The following PAK5 variants were observed in gnomAD, a reference collection of about 807,000 sequenced individuals.
PAK5 encodes the protein p21 (RAC1) activated kinase 5, also known as serine/threonine-protein kinase PAK 5.
Under a neutral mutation model 65.9 loss-of-function variants are expected in PAK5, and 16 were observed. The ratio of observed to expected loss-of-function variants is 0.24; its 90% CI spans 0.16 to 0.37. The LOEUF (loss-of-function observed/expected upper bound fraction) is 0.37. Ranked by LOEUF, PAK5 falls within the 10% of genes least tolerant of loss-of-function variation. PAK5 has a pLI of 1.00. For missense variants in PAK5, 785 were observed against 903.9 expected (o/e 0.87, Z 1.69); for synonymous variants, 371 against 354.9 (o/e 1.05, Z -0.51).
chr20:9,674,680 T>G (rs2035030603), intron 2 of PAK5, among the ~76,000 whole-genome samples: 1 of 152,066 alleles, frequency 6.6e-6, no homozygotes, highest in African/African-American at 2.4e-5. Context: ...ATGCTCGAGA[T>G]TTATTGAGGG....
chr20:9,558,697 A>G (rs1245408688), intron 6 of PAK5, among the ~76,000 whole-genome samples: 1 of 152,162 alleles, frequency 6.6e-6, no homozygotes, highest in Non-Finnish European at 1.5e-5. Context: ...AAGGAGCTAG[A>G]GGTTTTTGTC....
chr20:9,688,701 T>A (rs531458886), intron 2 of PAK5, among the ~76,000 whole-genome samples: 1 of 151,910 alleles, frequency 6.6e-6, no homozygotes, highest in South Asian at 2.1e-4. Context: ...GAGGAGTGAG[T>A]CAGGGGCACT....
At chr20:9,553,926 A>G (rs1040879652) in intron 7 of PAK5, among the ~76,000 whole-genome samples, 4 of 152,184 alleles carry the variant, frequency 2.6e-5, no homozygotes, top group African/African-American at 7.2e-5. Flanking sequence ...AAGAACTGCC[A>G]AAGTATTTTC....
intron 1 of PAK5, among the ~76,000 whole-genome samples, chr20:9,763,198 C>T (rs1323790905): frequency 6.6e-6 from 1 of 152,058 alleles, no homozygotes. Context: ...TACTATATAG[C>T]ATAGTACCTA....
chr20:9,749,798 C>T (rs2048553427), intron 1 of PAK5, among the ~76,000 whole-genome samples: 1 of 152,146 alleles, frequency 6.6e-6, no homozygotes, highest in East Asian at 1.9e-4. Flanking sequence ...GTGAGAGAAG[C>T]ATCAGCTGGA....
intron 2 of PAK5, among the ~76,000 whole-genome samples, chr20:9,664,946 A>T (rs2123344930): frequency 6.6e-6 from 1 of 152,170 alleles, no homozygotes; most frequent in East Asian, 1.9e-4. Context: ...TTTTTTTAAC[A>T]GGCAGAGTCT....
At position 9,609,644 on chromosome 20, in the gene PAK5, G is replaced by T. The variant is rs2046521336; in HGVS notation, c.205-28714C>A. Among the ~76,000 whole-genome samples the T allele has an allele frequency of 3.9e-5, 6 of 152,300 alleles. No homozygotes were observed. The South Asian group carries it at 1.2e-3, about 32-fold the overall frequency. Reference sequence around the variant, plus strand: ...CCATCAGAGGCAGGAACATGAGGGTGTTTTTGCATTTGGGCACTGGCCATA... The same window carrying T: ...CCATCAGAGGCAGGAACATGAGGGTTTTTTTGCATTTGGGCACTGGCCATA... On this transcript the variant is annotated intron_variant, in intron 3 of 9. Transcript: ENST00000353224.
At chr20:9,556,941 T>G (rs2045516474) in intron 7 of PAK5, among the ~76,000 whole-genome samples, 1 of 152,136 alleles carries the variant, frequency 6.6e-6, no homozygotes, top group South Asian at 2.1e-4. Context: ...GGATTTATTC[T>G]CTCAGCTCTC....
intron 1 of PAK5, among the ~76,000 whole-genome samples, chr20:9,754,918 C>T (rs993598014): frequency 7.2e-5 from 11 of 152,156 alleles, no homozygotes; most frequent in African/African-American, 2.7e-4. Flanking sequence ...CTACCTTTGT[C>T]TATCGGGAAA....
chr20:9,760,675 T>TTTC (rs1555923243), intron 1 of PAK5, among the ~76,000 whole-genome samples: 6 of 145,576 alleles, frequency 4.1e-5, no homozygotes, highest in African/African-American at 1.5e-4. Flanking sequence ...TTTCTTTTCT[T>TTTC]TTTTTTTTTT....
chr20:9,694,306 GTGTGTGTGTGTGTT>G, intron 2 of PAK5, among the ~76,000 whole-genome samples: 1 of 63,250 alleles, frequency 1.6e-5, no homozygotes, highest in Non-Finnish European at 2.6e-5. Context: ...GTGTGTGTTT[GTGTGTGTGTGTGTT>G]TGTGTGTGTG....
At chr20:9,651,436 C>A (rs1225041135) in intron 2 of PAK5, among the ~76,000 whole-genome samples, 2 of 152,112 alleles carry the variant, frequency 1.3e-5, no homozygotes, top group Non-Finnish European at 2.9e-5. Flanking sequence ...CTACTTGACC[C>A]CTATTACAAA....
At chr20:9,716,036 A>G (rs991327397) in intron 1 of PAK5, among the ~76,000 whole-genome samples, 4 of 152,186 alleles carry the variant, frequency 2.6e-5, no homozygotes, top group African/African-American at 9.7e-5. Flanking sequence ...CCTAGAACTT[A>G]AAGTGTAATA....
At chr20:9,716,255 C>A (rs1321887267) in intron 1 of PAK5, among the ~76,000 whole-genome samples, 4 of 152,032 alleles carry the variant, frequency 2.6e-5, no homozygotes, top group African/African-American at 4.8e-5. Flanking sequence ...ACAATAAATT[C>A]TAGAAGGACA....
Position 9,776,571 on chromosome 20 carries a change from T to C in PAK5, c.-162+62191A>G, listed in dbSNP as rs187337142. On this transcript the variant is annotated intron_variant, in intron 1 of 9. Transcript: ENST00000353224. ...AATAAGTCAGAAGTGGTATATCATT[T>C]CTAGGAATGGTCTAACACATGTGAC... 1.1e-4 allele frequency among the ~76,000 whole-genome samples: 16 copies of C among 152,302 alleles called. No homozygotes were observed. The East Asian group carries it at 2.5e-3, about 24-fold the overall frequency.
At chr20:9,578,735 G>C (rs2045929111) in intron 4 of PAK5, among the ~76,000 whole-genome samples, 1 of 152,130 alleles carries the variant, frequency 6.6e-6, no homozygotes, top group Non-Finnish European at 1.5e-5. Flanking sequence ...CATGAGACAT[G>C]CGTATGAGTT....
intron 3 of PAK5, among the ~76,000 whole-genome samples, chr20:9,617,853 C>A (rs1374153754): frequency 1.3e-5 from 2 of 152,030 alleles, no homozygotes; most frequent in African/African-American, 4.8e-5. Context: ...CGACGCCCGG[C>A]AAGAATCCCA....
intron 2 of PAK5, among the ~76,000 whole-genome samples, chr20:9,704,593 C>G (rs1286603122): frequency 6.6e-6 from 1 of 152,122 alleles, no homozygotes; most frequent in Admixed American, 6.5e-5. Flanking sequence ...AAAATCCTAT[C>G]TGTAGGGTAT....
intron 1 of PAK5, among the ~76,000 whole-genome samples, chr20:9,728,031 C>A (rs1269994977): frequency 1.3e-5 from 2 of 151,022 alleles, no homozygotes; most frequent in African/African-American, 2.4e-5. Context: ...TGTGTCCCCC[C>A]AAAAATTTAT....
Sources: gnomAD v4.1 joint callset for allele counts (sites outside exome capture counted in the v4.1 genomes callset) on GRCh38, gnomAD v4.1.1 for gene constraint, MANE v1.5 for transcripts, NCBI Gene and HGNC (gene_info 2026-07-23, HGNC 2026-07-21) for gene names.